PAMR1: variants seen among roughly 807,000 people sequenced by gnomAD.
PAMR1 encodes peptidase domain containing associated with muscle regeneration 1, also known as inactive serine protease PAMR1.
Under a neutral mutation model 81.8 loss-of-function variants are expected in PAMR1, and 88 were observed. The ratio of observed to expected loss-of-function variants is 1.08; its 90% CI spans 0.91 to 1.28. The LOEUF (loss-of-function observed/expected upper bound fraction) is 1.28. Among genes scored for constraint, PAMR1 ranks in the 50% most tolerant of loss-of-function variants. PAMR1 has a pLI of 0.00. For synonymous variants in PAMR1, 336 were observed against 345.3 expected (o/e 0.97, Z 0.30); for missense variants, 935 against 919.7 (o/e 1.02, Z -0.21).
At chr11:35,508,957 A>G (rs1851027249) in intron 1 of PAMR1, among the ~76,000 whole-genome samples, 1 of 152,226 alleles carries the variant, frequency 6.6e-6, no homozygotes, top group Non-Finnish European at 1.5e-5. Flanking sequence ...ATTGATGGGC[A>G]TTTAGGTTGA....
chr11:35,432,637 G>A lies in PAMR1; in HGVS notation c.1882C>T (p.Leu628=). The A allele has an allele frequency of 6.2e-7, 1 of 1,614,108 alleles. No individual in the cohort carries two copies. Among genetic ancestry groups the A allele is most frequent in the Non-Finnish European group, 8.5e-7 (1 of 1,179,954 alleles). Residue 628 remains leucine (L), a synonymous_variant, in exon 11 of 11, where the codon CTG becomes TTG. Coordinates refer to ENST00000619888, the MANE Select transcript of PAMR1 (RefSeq NM_001001991.3). ...TCCTCATGCTGCTCCTCACACAGCAGCGAGTCCACCACACTGACCACCCCA... is the reference window on the plus strand; with the variant it reads ...TCCTCATGCTGCTCCTCACACAGCAACGAGTCCACCACACTGACCACCCCA... ...RSGVVSVVDS[L]LCEEQHEDHG...
At chr11:35,446,992 C>A (rs1199003811) in intron 6 of PAMR1, among the ~76,000 whole-genome samples, 1 of 152,072 alleles carries the variant, frequency 6.6e-6, no homozygotes, top group African/African-American at 2.4e-5. Context: ...CTCTAAGAAC[C>A]TGTTTTATGA....
At chr11:35,507,150 G>T (rs542171365) in intron 1 of PAMR1, among the ~76,000 whole-genome samples, 1 of 146,706 alleles carries the variant, frequency 6.8e-6, no homozygotes, top group African/African-American at 2.5e-5. Flanking sequence ...AGGTTCAAGC[G>T]ATTCTCCTGC....
chr11:35,442,776 T>G (rs1194789784), intron 6 of PAMR1, among the ~76,000 whole-genome samples: 1 of 152,020 alleles, frequency 6.6e-6, no homozygotes, highest in Non-Finnish European at 1.5e-5. Flanking sequence ...CTAATTTTTG[T>G]ATTTTTAGTA....
intron 6 of PAMR1, among the ~76,000 whole-genome samples, chr11:35,465,470 C>T (rs1393626086): frequency 6.6e-6 from 1 of 152,136 alleles, no homozygotes; most frequent in Non-Finnish European, 1.5e-5. Flanking sequence ...AATCTTTTTG[C>T]TCTTTTTTGC....
At chr11:35,468,557 C>G (rs1856797301) in intron 5 of PAMR1, among the ~76,000 whole-genome samples, 1 of 152,176 alleles carries the variant, frequency 6.6e-6, no homozygotes, top group Non-Finnish European at 1.5e-5. Context: ...AAGGTATATT[C>G]AATAATTTCC....
chr11:35,479,430 T>G (rs1377947487), intron 3 of PAMR1, among the ~76,000 whole-genome samples: 1 of 152,230 alleles, frequency 6.6e-6, no homozygotes, highest in Non-Finnish European at 1.5e-5. Context: ...AAATGAGATA[T>G]TGTATGTAAA....
intron 3 of PAMR1, among the ~76,000 whole-genome samples, chr11:35,488,270 C>T (rs375236439): frequency 2.9e-5 from 4 of 135,626 alleles, no homozygotes; most frequent in African/African-American, 1.1e-4. Flanking sequence ...GGCTGGAATG[C>T]AGTGGTGTAA....
chr11:35,447,349 CCTG>C (rs1856316439), intron 6 of PAMR1, among the ~76,000 whole-genome samples: 2 of 152,010 alleles, frequency 1.3e-5, no homozygotes, highest in South Asian at 4.2e-4. Context: ...ACTACAGCCA[CCTG>C]CTACCACGCC....
upstream of PAMR1, among the ~76,000 whole-genome samples, chr11:35,529,476 A>G (rs1851434572): frequency 6.6e-6 from 1 of 152,200 alleles, no homozygotes; most frequent in South Asian, 2.1e-4. Flanking sequence ...ACTTAAGAGC[A>G]CTTGCTCTGG....
At chr11:35,446,919 T>A (rs574530018) in intron 6 of PAMR1, among the ~76,000 whole-genome samples, 2 of 152,252 alleles carry the variant, frequency 1.3e-5, no homozygotes, top group African/African-American at 4.8e-5. Flanking sequence ...TGATCTAATA[T>A]TGACAATGGG....
intron 1 of PAMR1, among the ~76,000 whole-genome samples, chr11:35,496,126 A>T (rs1186545132): frequency 6.6e-6 from 1 of 152,226 alleles, no homozygotes. Flanking sequence ...GACTTCTAAA[A>T]TCTGGATGAG....
chr11:35,503,445 G>C (rs537721463), intron 1 of PAMR1, among the ~76,000 whole-genome samples: 2 of 152,040 alleles, frequency 1.3e-5, no homozygotes, highest in African/African-American at 4.8e-5. Context: ...GTATTGCTTT[G>C]AGTATAAATT....
In PAMR1 at chr11:35,479,976, C is replaced by G. The variant is rs1297157069; in HGVS notation, c.380-5232G>C. Among the ~76,000 whole-genome samples, 3 of 152,160 alleles carry G rather than the reference C, an allele frequency of 2.0e-5. No individual in the cohort carries two copies. In the East Asian group the frequency reaches 5.8e-4, roughly 29 times the overall value. ...CAGGGGCTCAGGTGTTCATCAGGAA[C>G]AATGACAAGTCCTCAGCTCAGCCTG... On this transcript the variant is annotated intron_variant, in intron 3 of 10. Transcript: ENST00000619888.
At position 35,494,279 on chromosome 11, in the gene PAMR1, T is replaced by C. The variant is rs779363114; in HGVS notation, c.74-7A>G. On this transcript the variant is annotated splice_region_variant and splice_polypyrimidine_tract_variant and intron_variant, in intron 1 of 10. Coordinates refer to ENST00000619888, the MANE Select transcript of PAMR1 (RefSeq NM_001001991.3). ...TCATTAATGACTGTGTACTCTGAAA[T>C]GGAAAACCAGCAGGTGAGGCTAGGT... 5.6e-6 allele frequency: 9 copies of C among 1,613,030 alleles called. No individual in the cohort carries two copies. In the Admixed American group the frequency reaches 1.3e-4, roughly 24 times the overall value.
upstream of PAMR1, among the ~76,000 whole-genome samples, chr11:35,528,426 G>A (rs1851423440): frequency 1.3e-5 from 2 of 152,108 alleles, no homozygotes. Flanking sequence ...ACCCCTAGAA[G>A]CTCAAAGTCC....
intron 8 of PAMR1, among the ~76,000 whole-genome samples, chr11:35,437,585 G>T (rs1565324721): frequency 1.3e-5 from 2 of 152,262 alleles, no homozygotes; most frequent in African/African-American, 4.8e-5. Flanking sequence ...GCTTCTGGAT[G>T]AGGAGGTGGC....
chr11:35,470,842 G>C (rs780626589), intron 4 of PAMR1, 24 bp from the exon 5 acceptor site: 64 of 1,575,614 alleles, frequency 4.1e-5, no homozygotes, highest in Non-Finnish European at 5.5e-5. Flanking sequence ...GGGTGACGGA[G>C]GGAAGCAGAT....
intron 1 of PAMR1, among the ~76,000 whole-genome samples, chr11:35,504,876 A>G (rs1192608371): frequency 6.7e-6 from 1 of 148,850 alleles, no homozygotes; most frequent in African/African-American, 2.5e-5. Context: ...TTCTGCTCTA[A>G]TCTTTATATT....
Sources: allele counts gnomAD v4.1 joint callset (sites outside exome capture counted in the v4.1 genomes callset), GRCh38; gene constraint gnomAD v4.1.1; transcripts MANE v1.5; gene names NCBI Gene and HGNC (gene_info 2026-07-23, HGNC 2026-07-21).